The following MYCBP2 variants were observed in gnomAD, a reference collection of about 807,000 sequenced individuals.
MYCBP2 encodes E3 ubiquitin-protein ligase MYCBP2.
MYCBP2 carries 120 observed loss-of-function variants against 525.3 expected under a neutral mutation model. The observed-to-expected ratio is 0.23, with a 90% CI of 0.20 to 0.27. The LOEUF (loss-of-function observed/expected upper bound fraction) is 0.27. MYCBP2 is among the 10% of genes least tolerant of loss of function. MYCBP2 has a pLI of 1.00. For missense variants in MYCBP2, 4,149 were observed against 5,657.1 expected, an observed-to-expected ratio of 0.73 and a Z score of 8.55; for synonymous variants, 1,894 against 1,955.8, an observed-to-expected ratio of 0.97 and a Z score of 0.83.
At chr13:77,323,391 G>C (rs553573652) in intron 1 of MYCBP2, among the ~76,000 whole-genome samples, 1 of 152,100 alleles carries the variant, frequency 6.6e-6, no homozygotes, top group Non-Finnish European at 1.5e-5. Context: ...TCATGTTTTT[G>C]TTTCTTGAAC....
At chr13:77,070,188 A>G (rs938461616) in intron 69 of MYCBP2, among the ~76,000 whole-genome samples, 1 of 152,226 alleles carries the variant, frequency 6.6e-6, no homozygotes, top group Admixed American at 6.5e-5. Context: ...AATCTTTAAA[A>G]TGATGAAGGT....
intron 43 of MYCBP2, 45 bp from the exon 44 acceptor site, chr13:77,162,000 G>C (rs1182929678): frequency 2.3e-6 from 3 of 1,318,862 alleles, no homozygotes; most frequent in Non-Finnish European, 3.2e-6. Context: ...TCAATATTTA[G>C]TTTAGTTTAA....
chr13:77,325,944 A>C (rs1191544171), intron 1 of MYCBP2, among the ~76,000 whole-genome samples: 1 of 151,972 alleles, frequency 6.6e-6, no homozygotes, highest in Non-Finnish European at 1.5e-5. Flanking sequence ...AAACTCAACC[A>C]ATCTATACCA....
chr13:77,118,785 C>T (rs73239485), intron 55 of MYCBP2, among the ~76,000 whole-genome samples: 3,021 of 151,698 alleles, frequency 0.02, 56 homozygotes, highest in Middle Eastern at 0.075. Context: ...TATGGGAGAA[C>T]GAAGACTCTA....
chr13:77,308,774 T>C (rs2079777206), intron 1 of MYCBP2, among the ~76,000 whole-genome samples: 1 of 152,178 alleles, frequency 6.6e-6, no homozygotes, highest in Non-Finnish European at 1.5e-5. Context: ...ATGAAGCCAG[T>C]TACCCTGATG....
At chr13:77,183,714 G>A (rs2060468054) in intron 32 of MYCBP2, among the ~76,000 whole-genome samples, 1 of 151,564 alleles carries the variant, frequency 6.6e-6, no homozygotes, top group Admixed American at 6.6e-5. Flanking sequence ...ACCATGCCTG[G>A]CTAATTTTTG....
chr13:77,139,181 C>T lies in MYCBP2; in HGVS notation c.7659+15G>A. ...CGTGTATCTATAATGCTTTTTAAAA[C>T]CACCTTTTACTTACGTCAACAGGGA... On this transcript the variant is annotated intron_variant, in intron 52 of 82. Transcript: ENST00000544440. The T allele has an allele frequency of 4.4e-6, 7 of 1,608,584 alleles. No individual in the cohort carries two copies. Among genetic ancestry groups the T allele is most frequent in the Non-Finnish European group, 5.9e-6 (7 of 1,177,300 alleles).
chr13:77,115,470 C>T (rs1034754782), intron 55 of MYCBP2, among the ~76,000 whole-genome samples: 6 of 151,720 alleles, frequency 4.0e-5, no homozygotes, highest in African/African-American at 1.5e-4. Context: ...AATTTGTTAA[C>T]TTTTACTTCT....
chr13:77,285,950 G>A (rs1275324812), intron 3 of MYCBP2, among the ~76,000 whole-genome samples: 4 of 152,058 alleles, frequency 2.6e-5, no homozygotes, highest in Admixed American at 2.0e-4. Flanking sequence ...GGTACAGTTA[G>A]GACATTGCAG....
At chr13:77,156,341 A>T (rs1355156958) in intron 45 of MYCBP2, 139 bp from the exon 46 acceptor site, 1 of 765,438 alleles carries the variant, frequency 1.3e-6, no homozygotes, top group Non-Finnish European at 2.0e-6. Context: ...CAACTCAGTG[A>T]TAATCATGAG....
intron 1 of MYCBP2, among the ~76,000 whole-genome samples, chr13:77,318,426 A>G (rs2081216028): frequency 6.6e-6 from 1 of 152,228 alleles, no homozygotes; most frequent in Non-Finnish European, 1.5e-5. Flanking sequence ...TAACACATAA[A>G]TTGGAAGAAA....
intron 1 of MYCBP2, among the ~76,000 whole-genome samples, chr13:77,303,953 G>A (rs1407678776): frequency 6.6e-6 from 1 of 152,114 alleles, no homozygotes; most frequent in African/African-American, 2.4e-5. Flanking sequence ...TCTCTGAAAA[G>A]ATTAGTATAC....
intron 57 of MYCBP2, 51 bp from the exon 58 acceptor site, chr13:77,095,653 T>A: frequency 6.3e-7 from 1 of 1,576,672 alleles, no homozygotes; most frequent in South Asian, 1.2e-5. Flanking sequence ...ATTAAAATCC[T>A]TAGTTTCTTA....
chr13:77,294,105 T>TATATATATATATATATATATAC (rs2077791391), intron 2 of MYCBP2, among the ~76,000 whole-genome samples: 7 of 7,928 alleles, frequency 8.8e-4, no homozygotes, highest in Non-Finnish European at 2.1e-3. Context: ...ATATAATGGC[T>TATATATATATATATATATATAC]ATATATATAT....
chr13:77,286,939 C>CAGTG (rs1703328375), intron 3 of MYCBP2, among the ~76,000 whole-genome samples: 1 of 148,394 alleles, frequency 6.7e-6, no homozygotes, highest in South Asian at 2.2e-4. Flanking sequence ...GGCTGGAGTG[C>CAGTG]AGTGGCGCCA....
At chr13:77,294,115 T>TACATATATATATATATATATATAC (rs1382628273) in intron 2 of MYCBP2, among the ~76,000 whole-genome samples, 9 of 53,798 alleles carry the variant, frequency 1.7e-4, no homozygotes, top group East Asian at 1.6e-3. Flanking sequence ...TATATATATA[T>TACATATATATATATATATATATAC]ATATATATAT....
chr13:77,081,320 G>T lies in MYCBP2; in HGVS notation c.11418+107C>A. The T allele has an allele frequency of 1.1e-6, 1 of 923,170 alleles. No individual in the cohort carries two copies. Among genetic ancestry groups the T allele is most frequent in the African/African-American group, 1.7e-5 (1 of 60,256 alleles). The allele number at this position is 923,170 out of a possible 1,614,324, so 57.2% of individuals were successfully genotyped here. ...GGATTATAGCAATGATGTTTGGTTG[G>T]TGAAATTCCAGGTGATAAAGCTTGT... is the stretch of plus-strand genomic sequence containing the variant. On this transcript the variant is annotated intron_variant, in intron 65 of 82. Coordinates refer to ENST00000544440, the MANE Select transcript of MYCBP2 (RefSeq NM_015057.5). This position sits in a 1 kb window ranked among gnomAD's most constrained non-coding sequence, Gnocchi z 4.6.
intron 23 of MYCBP2, among the ~76,000 whole-genome samples, chr13:77,207,796 C>G (rs1593901250): frequency 6.6e-6 from 1 of 152,026 alleles, no homozygotes; most frequent in Non-Finnish European, 1.5e-5. Context: ...AAGATTTCCC[C>G]TTGGTCTTTA....
chr13:77,165,798 A>G (rs2058459684), intron 41 of MYCBP2, among the ~76,000 whole-genome samples: 1 of 152,214 alleles, frequency 6.6e-6, no homozygotes. Context: ...TAGGCAGGTC[A>G]GAGTGGAAAG....
Sources: allele counts gnomAD v4.1 joint callset (sites outside exome capture counted in the v4.1 genomes callset), GRCh38; gene constraint gnomAD v4.1.1; non-coding constraint Gnocchi (gnomAD v3.1); transcripts MANE v1.5; gene names NCBI Gene and HGNC (gene_info 2026-07-23, HGNC 2026-07-21).